The following PIK3C2G variants were observed in gnomAD, a reference collection of about 807,000 sequenced individuals.
PIK3C2G encodes the protein phosphatidylinositol-4-phosphate 3-kinase catalytic subunit type 2 gamma, also known as phosphatidylinositol 3-kinase C2 domain-containing subunit gamma.
Under a neutral mutation model 181.1 loss-of-function variants are expected in PIK3C2G, and 168 were observed. The observed-to-expected ratio is 0.93, with a 90% CI of 0.82 to 1.05. The LOEUF is 1.05. Among genes scored for constraint, PIK3C2G ranks in the 50% least tolerant of loss-of-function variants. PIK3C2G has a pLI of 0.00. For missense variants in PIK3C2G, 1,869 were observed against 1,732.8 expected (o/e 1.08, Z -1.40); for synonymous variants, 573 against 592.2 (o/e 0.97, Z 0.47).
At chr12:18,497,388 C>T (rs193040620) in intron 21 of PIK3C2G, among the ~76,000 whole-genome samples, 373 of 152,220 alleles carry the variant, frequency 2.5e-3, no homozygotes, top group Admixed American at 7.3e-3. Flanking sequence ...TTCCAAGCAG[C>T]ACCTCTAATT....
intron 29 of PIK3C2G, among the ~76,000 whole-genome samples, chr12:18,592,002 C>T (rs568326429): frequency 2.6e-5 from 4 of 151,772 alleles, no homozygotes; most frequent in Admixed American, 6.6e-5. Context: ...AGTAGGTACA[C>T]TCTATTGTGA....
chr12:18,721,055 A>G, the PIK3C2G span, among the ~76,000 whole-genome samples: 20 of 152,220 alleles, frequency 1.3e-4, no homozygotes, highest in East Asian at 3.9e-3. Flanking sequence ...ATAGAAGTGT[A>G]TGGAGCAAAT....
intron 24 of PIK3C2G, among the ~76,000 whole-genome samples, chr12:18,526,355 C>T (rs954651906): frequency 5.3e-5 from 8 of 152,288 alleles, no homozygotes; most frequent in African/African-American, 1.9e-4. Context: ...TTTTTACTCA[C>T]AGCAGGCCTT....
At chr12:18,668,441 C>G in the PIK3C2G span, among the ~76,000 whole-genome samples, 18 of 152,308 alleles carry the variant, frequency 1.2e-4, no homozygotes, top group East Asian at 3.5e-3. Context: ...GGAACCCAAC[C>G]TACACACATG....
intron 1 of PIK3C2G, among the ~76,000 whole-genome samples, chr12:18,269,532 T>G (rs549993912): frequency 5.3e-5 from 8 of 152,346 alleles, no homozygotes; most frequent in African/African-American, 1.7e-4. Flanking sequence ...GAGATTTCAT[T>G]TAAGAGCTAA....
chr12:18,445,640 A>G (rs1488961028), intron 18 of PIK3C2G, among the ~76,000 whole-genome samples: 1 of 152,142 alleles, frequency 6.6e-6, no homozygotes, highest in Admixed American at 6.5e-5. Flanking sequence ...GATAATATTC[A>G]TGGTAGTTTT....
At chr12:18,366,342 GGC>G (rs1425653773) in intron 12 of PIK3C2G, among the ~76,000 whole-genome samples, 1 of 152,066 alleles carries the variant, frequency 6.6e-6, no homozygotes, top group Non-Finnish European at 1.5e-5. Flanking sequence ...AGACCAGCCT[GGC>G]CAACATGGCG....
At position 18,604,795 on chromosome 12, in the gene PIK3C2G, T is replaced by G. The variant is rs117095688; in HGVS notation, c.4088-4740T>G. ...ATTAAATAACCTGCTCCTGAATGAG[T>G]GTTGGGTCAAAAATGAAACCAAGAT... On this transcript the variant is annotated intron_variant, in intron 30 of 32. Transcript: ENST00000538779. Among the ~76,000 whole-genome samples, 946 of 152,228 alleles carry G rather than the reference T, an allele frequency of 6.2e-3. 4 individuals are homozygous for G. Among genetic ancestry groups the G allele is most frequent in the Middle Eastern group, 0.031 (9 of 294 alleles).
intron 6 of PIK3C2G, 79 bp downstream of exon 6, chr12:18,314,143 C>A: frequency 1.5e-6 from 1 of 689,020 alleles, no homozygotes; most frequent in Non-Finnish European, 2.5e-6. Flanking sequence ...GAACTATTGC[C>A]AACTTGGAAT....
chr12:18,600,107 A>G (rs1196505829), intron 30 of PIK3C2G, among the ~76,000 whole-genome samples: 2 of 152,212 alleles, frequency 1.3e-5, no homozygotes, highest in African/African-American at 4.8e-5. Flanking sequence ...AAAAAAATGT[A>G]TCTTCTCTTC....
chr12:18,367,015 T>C (rs371113483), intron 12 of PIK3C2G, among the ~76,000 whole-genome samples: 1 of 152,176 alleles, frequency 6.6e-6, no homozygotes, highest in African/African-American at 2.4e-5. Flanking sequence ...CTGTAACTTA[T>C]ATAATTTCTT....
At chr12:18,308,710 G>A (rs1565581734) in intron 5 of PIK3C2G, among the ~76,000 whole-genome samples, 1 of 151,424 alleles carries the variant, frequency 6.6e-6, no homozygotes. Context: ...GAATTTGTGT[G>A]GACTTTGTCT....
At chr12:18,464,018 A>G (rs1443999009) in intron 18 of PIK3C2G, among the ~76,000 whole-genome samples, 1 of 152,108 alleles carries the variant, frequency 6.6e-6, no homozygotes, top group Non-Finnish European at 1.5e-5. Flanking sequence ...TTCGCTGTGT[A>G]CTGAATTCTA....
At chr12:18,665,600 C>G in the PIK3C2G span, among the ~76,000 whole-genome samples, 1 of 152,162 alleles carries the variant, frequency 6.6e-6, no homozygotes, top group East Asian at 1.9e-4. Context: ...GGAGACTAGC[C>G]TGACCAACAT....
At chr12:18,248,284 T>A (rs1948061015) in intron 1 of PIK3C2G, among the ~76,000 whole-genome samples, 1 of 152,118 alleles carries the variant, frequency 6.6e-6, no homozygotes, top group East Asian at 1.9e-4. Flanking sequence ...TTGGATAGAA[T>A]TCTTCCGGGC....
At chr12:18,597,099 A>G (rs2136510302) in intron 30 of PIK3C2G, among the ~76,000 whole-genome samples, 1 of 152,176 alleles carries the variant, frequency 6.6e-6, no homozygotes, top group East Asian at 1.9e-4. Context: ...CCTCATCTCT[A>G]ACATCTGAGT....
chr12:18,393,461 A>C (rs1943665946), intron 15 of PIK3C2G, among the ~76,000 whole-genome samples: 1 of 152,050 alleles, frequency 6.6e-6, no homozygotes, highest in African/African-American at 2.4e-5. Context: ...AAAAGTAATC[A>C]GAGTGAGGAA....
At chr12:18,545,245 G>A (rs1293788190) in intron 25 of PIK3C2G, among the ~76,000 whole-genome samples, 1 of 151,836 alleles carries the variant, frequency 6.6e-6, no homozygotes, top group East Asian at 1.9e-4. Flanking sequence ...TCCTTTGTAT[G>A]TCTTGCTTTC....
chr12:18,595,022 G>C (rs74071204), intron 30 of PIK3C2G, among the ~76,000 whole-genome samples: 7,002 of 152,002 alleles, frequency 0.046, 541 homozygotes, highest in African/African-American at 0.16. Flanking sequence ...TTCAAGATTT[G>C]TTTCAACAGT....
Sources: allele counts gnomAD v4.1 joint callset (sites outside exome capture counted in the v4.1 genomes callset), GRCh38; gene constraint gnomAD v4.1.1; transcripts MANE v1.5; gene names NCBI Gene and HGNC (gene_info 2026-07-23, HGNC 2026-07-21).